KAT2B: variants seen among roughly 807,000 people sequenced by gnomAD.
The protein encoded by KAT2B is histone acetyltransferase KAT2B.
A neutral mutation model predicts 105.9 loss-of-function variants in KAT2B; 36 were observed. The observed-to-expected ratio is 0.34, with a 90% CI of 0.26 to 0.45. KAT2B has a LOEUF of 0.45. Ranked by LOEUF, KAT2B falls within the 20% of genes least tolerant of loss-of-function variation. The pLI, the probability that KAT2B is intolerant of heterozygous loss-of-function variation, is 1.00. For synonymous variants in KAT2B, 397 were observed against 377.9 expected (o/e 1.05, Z -0.59); for missense variants, 820 against 1,021.6 (o/e 0.80, Z 2.69).
chr3:20,079,740 A>T (rs2125186381), intron 2 of KAT2B, among the ~76,000 whole-genome samples: 1 of 152,326 alleles, frequency 6.6e-6, no homozygotes, highest in East Asian at 1.9e-4. Flanking sequence ...TACTGTGCAG[A>T]TGCCAAAGGA....
At chr3:20,073,932 G>C (rs1276487307) in intron 2 of KAT2B, among the ~76,000 whole-genome samples, 1 of 152,082 alleles carries the variant, frequency 6.6e-6, no homozygotes, top group African/African-American at 2.4e-5. Flanking sequence ...TTTCTTAGCC[G>C]AGCAGATTGT....
At chr3:20,143,706 A>C (rs1292094151) in intron 13 of KAT2B, among the ~76,000 whole-genome samples, 2 of 152,250 alleles carry the variant, frequency 1.3e-5, no homozygotes, top group Non-Finnish European at 2.9e-5. Flanking sequence ...GCAGCCATAA[A>C]AAAGAACAAA....
intron 2 of KAT2B, among the ~76,000 whole-genome samples, chr3:20,091,545 C>T (rs989353608): frequency 7.9e-5 from 12 of 151,844 alleles, no homozygotes; most frequent in South Asian, 4.2e-4. Context: ...GACTTTAGTT[C>T]GTTCTTCTTT....
At chr3:20,147,346 A>G (rs750754953) in intron 14 of KAT2B, among the ~76,000 whole-genome samples, 6 of 151,304 alleles carry the variant, frequency 4.0e-5, no homozygotes, top group South Asian at 2.1e-4. Context: ...CCACGCATTT[A>G]TCTGTTTTTG....
intron 1 of KAT2B, among the ~76,000 whole-genome samples, chr3:20,062,150 A>G (rs1397239949): frequency 1.1e-5 from 1 of 93,776 alleles, no homozygotes; most frequent in Non-Finnish European, 1.8e-5. Context: ...TAATATATAA[A>G]AATATATAAT....
At chr3:20,054,609 T>C (rs1165728722) in intron 1 of KAT2B, among the ~76,000 whole-genome samples, 1 of 152,180 alleles carries the variant, frequency 6.6e-6, no homozygotes, top group Non-Finnish European at 1.5e-5. Context: ...TACTCTTGGC[T>C]TGTGCAGCTT....
chr3:20,080,996 C>T (rs1455324233), intron 2 of KAT2B, among the ~76,000 whole-genome samples: 1 of 152,152 alleles, frequency 6.6e-6, no homozygotes, highest in African/African-American at 2.4e-5. Context: ...TGGGCTCTTA[C>T]TCTTAGGCTT....
At chr3:20,094,343 G>A (rs994803314) in intron 2 of KAT2B, among the ~76,000 whole-genome samples, 2 of 152,074 alleles carry the variant, frequency 1.3e-5, no homozygotes, top group Non-Finnish European at 2.9e-5. Context: ...AGAACAGCAT[G>A]GGGGAAACTG....
At chr3:20,109,723 CAAAAT>C (rs1414308397) in intron 5 of KAT2B, among the ~76,000 whole-genome samples, 1 of 152,122 alleles carries the variant, frequency 6.6e-6, no homozygotes, top group Non-Finnish European at 1.5e-5. Flanking sequence ...TTATGAATTA[CAAAAT>C]AAATGCACTT....
chr3:20,116,935 A>C (rs1418957848), intron 7 of KAT2B, among the ~76,000 whole-genome samples: 1 of 152,202 alleles, frequency 6.6e-6, no homozygotes, highest in East Asian at 1.9e-4. Flanking sequence ...TAACCACTAC[A>C]TCACACCATC....
intron 1 of KAT2B, among the ~76,000 whole-genome samples, chr3:20,060,168 A>G (rs778424973): frequency 6.6e-6 from 1 of 152,260 alleles, no homozygotes; most frequent in Non-Finnish European, 1.5e-5. Flanking sequence ...CCTTTTGGCT[A>G]TCATGAATAA....
At chr3:20,053,308 G>A (rs1009139163) in intron 1 of KAT2B, among the ~76,000 whole-genome samples, 26 of 152,200 alleles carry the variant, frequency 1.7e-4, no homozygotes, top group East Asian at 1.2e-3. Flanking sequence ...GGCCAAGGTG[G>A]GCAGATTGCT....
At chr3:20,138,747 A>G (rs757831683) in intron 12 of KAT2B, among the ~76,000 whole-genome samples, 1 of 152,086 alleles carries the variant, frequency 6.6e-6, no homozygotes, top group Non-Finnish European at 1.5e-5. Flanking sequence ...GTTTAGTTGT[A>G]CATTGATTTG....
At chr3:20,112,166 C>CT (rs5847044) in intron 6 of KAT2B, among the ~76,000 whole-genome samples, 31,816 of 141,034 alleles carry the variant, frequency 0.23, 4,682 homozygotes, top group East Asian at 0.43. Flanking sequence ...GCTCAAGTGG[C>CT]TTTTTTTTTT....
intron 1 of KAT2B, among the ~76,000 whole-genome samples, chr3:20,063,394 A>G (rs940670275): frequency 6.6e-6 from 1 of 150,680 alleles, no homozygotes; most frequent in Non-Finnish European, 1.5e-5. Flanking sequence ...ATCTAGTATC[A>G]TGAAGATTTT....
At chr3:20,050,119 G>C (rs1298167556) in intron 1 of KAT2B, among the ~76,000 whole-genome samples, 1 of 151,420 alleles carries the variant, frequency 6.6e-6, no homozygotes, top group African/African-American at 2.4e-5. Context: ...ACGACTGCTT[G>C]AGCCCAGGAG....
intron 1 of KAT2B, among the ~76,000 whole-genome samples, chr3:20,045,142 G>A (rs553132146): frequency 6.6e-6 from 1 of 152,106 alleles, no homozygotes; most frequent in East Asian, 1.9e-4. Context: ...AGCCTCCTGA[G>A]TAGCTGAGAC....
chr3:20,059,306 C>T (rs959462454), intron 1 of KAT2B, among the ~76,000 whole-genome samples: 56 of 144,956 alleles, frequency 3.9e-4, no homozygotes, highest in Non-Finnish European at 7.2e-4. Context: ...CCCAGCTACT[C>T]GGGAGGCTGA....
rs544661468 is a variant in KAT2B, at chr3:20,055,500, G to T, written c.303+14720G>T. Among the ~76,000 whole-genome samples the T allele has an allele frequency of 1.4e-4, 22 of 152,252 alleles. No individual in the cohort carries two copies. In the South Asian group the frequency reaches 4.4e-3, roughly 30 times the overall value. ...AGATACATGCCCAGGAAATCCTTCTGCAGAAGGGACACGGACCGAGGCCTG... is the reference window on the plus strand; with the variant it reads ...AGATACATGCCCAGGAAATCCTTCTTCAGAAGGGACACGGACCGAGGCCTG... On this transcript the variant is annotated intron_variant, in intron 1 of 17. Transcript: ENST00000263754.
Sources: allele counts gnomAD v4.1 joint callset (sites outside exome capture counted in the v4.1 genomes callset), GRCh38; gene constraint gnomAD v4.1.1; transcripts MANE v1.5; gene names NCBI Gene and HGNC (gene_info 2026-07-23, HGNC 2026-07-21).